TMEM184B: variants seen among roughly 807,000 people sequenced by gnomAD.
TMEM184B encodes transmembrane protein 184B, also known as putative MAPK-activating protein FM08.
A neutral mutation model predicts 41.8 loss-of-function variants in TMEM184B; 17 were observed. That is an observed-to-expected ratio of 0.41 (90% CI 0.28 to 0.61). The LOEUF is 0.61. TMEM184B is among the 20% of genes least tolerant of loss of function. TMEM184B has a pLI of 0.34. For missense variants in TMEM184B, 393 were observed against 557.8 expected (o/e 0.70, Z 2.98); for synonymous variants, 240 against 229.5 (o/e 1.05, Z -0.41).
intron 4 of TMEM184B, 88 bp downstream of exon 4, chr22:38,231,156 C>G: frequency 1.8e-6 from 2 of 1,122,070 alleles, no homozygotes; most frequent in South Asian, 2.5e-5. Context: ...CAGACATGGT[C>G]TGTGTCCAGC....
rs1398859436 is a variant in TMEM184B at position 38,225,349 on chromosome 22, T to C, written c.787+75A>G. ...CAGGCCCTACAGGCACCAGGGACCA[T>C]AAGCAGAAGGGGCAGCAGGAAGCGC... is the stretch of plus-strand genomic sequence containing the variant. On this transcript the variant is annotated intron_variant, in intron 7 of 8. Transcript: ENST00000361906. This position sits in a 1 kb window ranked among gnomAD's most constrained non-coding sequence, Gnocchi z 4.4. The C allele has an allele frequency of 4.0e-6, 6 of 1,482,258 alleles. No homozygotes were observed. In the East Asian group the frequency reaches 1.2e-4, roughly 30 times the overall value. 91.8% of individuals were successfully genotyped at this position (1,482,258 alleles called of 1,614,324 possible). A position where few individuals can be genotyped will look rare whatever the true frequency, so the allele number is the denominator to read the frequency against.
Position 38,221,106 on chromosome 22 carries a change from G to A in TMEM184B, c.*363C>T, listed in dbSNP as rs536935920. 5.6e-5 allele frequency: 61 copies of A among 1,093,638 alleles called. No homozygotes were observed. Among genetic ancestry groups the A allele is most frequent in the South Asian group, 4.0e-4 (12 of 30,260 alleles). 67.7% of individuals were successfully genotyped at this position (1,093,638 alleles called of 1,614,324 possible). A position where few individuals can be genotyped will look rare whatever the true frequency, so the allele number is the denominator to read the frequency against. On this transcript the variant is annotated 3_prime_UTR_variant, in exon 9 of 9. Coordinates refer to ENST00000361906, the MANE Select transcript of TMEM184B (RefSeq NM_012264.5). ...GCCGACCTCAGCCTGAGAGTCTCGC[G>A]GGGAGGAGGGGCTAGAAGGCTGCAG...
chr22:38,262,311 C>T (rs1055576476), intron 1 of TMEM184B, among the ~76,000 whole-genome samples: 2 of 152,168 alleles, frequency 1.3e-5, no homozygotes, highest in Non-Finnish European at 2.9e-5. Context: ...CATTGTGTGG[C>T]TTGATCTGGG....
At chr22:38,252,177 A>C (rs556856849) in intron 1 of TMEM184B, among the ~76,000 whole-genome samples, 1 of 151,840 alleles carries the variant, frequency 6.6e-6, no homozygotes, top group South Asian at 2.1e-4. Context: ...CTCCCACCTC[A>C]GCCTCCCAAG....
chr22:38,259,923 G>A (rs890708560), intron 1 of TMEM184B, among the ~76,000 whole-genome samples: 2 of 144,192 alleles, frequency 1.4e-5, no homozygotes, highest in East Asian at 4.1e-4. Flanking sequence ...TTACAGGCAC[G>A]TGCCACCACG....
intron 1 of TMEM184B, chr22:38,272,355 C>T: frequency 1.9e-6 from 1 of 537,914 alleles, no homozygotes; most frequent in Non-Finnish European, 2.4e-6. Context: ...AGCCCCAGGT[C>T]CCAGTCGATC....
chr22:38,242,654 G>A (rs1212377294), intron 3 of TMEM184B, among the ~76,000 whole-genome samples: 1 of 152,178 alleles, frequency 6.6e-6, no homozygotes, highest in Non-Finnish European at 1.5e-5. Flanking sequence ...ACAAGGATCG[G>A]GGGGGACTGC....
chr22:38,230,831 C>T, intron 4 of TMEM184B, 87 bp from the exon 5 acceptor site: 1 of 1,278,572 alleles, frequency 7.8e-7, no homozygotes, highest in Non-Finnish European at 1.1e-6. Flanking sequence ...GCCCTCCCAC[C>T]CATCCAGACG....
chr22:38,248,419 C>A (rs776222755), intron 1 of TMEM184B, among the ~76,000 whole-genome samples: 1 of 152,230 alleles, frequency 6.6e-6, no homozygotes, highest in South Asian at 2.1e-4. Context: ...CCACGCTGGC[C>A]TCTTTGCTGT....
intron 1 of TMEM184B, among the ~76,000 whole-genome samples, chr22:38,255,137 T>C (rs1387341659): frequency 1.3e-5 from 2 of 152,226 alleles, no homozygotes; most frequent in Admixed American, 6.5e-5. Context: ...GCTATTCTCC[T>C]GCCTCAGCCT....
Position 38,221,242 on chromosome 22 carries a change from C to T in TMEM184B, c.*227G>A, listed in dbSNP as rs2091250775. 5 of 1,402,150 alleles carry T rather than the reference C, an allele frequency of 3.6e-6. No individual in the cohort carries two copies. The highest frequency in any genetic ancestry group is 2.9e-5 in the African/African-American group (2 of 68,938). 86.9% of individuals were successfully genotyped at this position (1,402,150 alleles called of 1,614,324 possible). A position where few individuals can be genotyped will look rare whatever the true frequency, so the allele number is the denominator to read the frequency against. The stretch of plus-strand genomic sequence containing the variant: ...CCTTGCTCCCAGTGTCCTCTGCCCT[C>T]GCCCGGGCAGTGCAGGCTGGGCCAT... On this transcript the variant is annotated 3_prime_UTR_variant, in exon 9 of 9. Transcript: ENST00000361906.
rs1259364665 is a variant in TMEM184B, at chr22:38,226,260, T to G, written c.617+519A>C. 1 of 154,192 alleles carries G rather than the reference T, an allele frequency of 6.5e-6. No homozygotes were observed. Among genetic ancestry groups the G allele is most frequent in the Non-Finnish European group, 1.4e-5 (1 of 69,326 alleles). The allele number at this position is 154,192 out of a possible 1,614,324, so 9.6% of individuals were successfully genotyped here. ...ACGCCCGGTTAATTTTTTGTATTTT[T>G]AGTAGTGATGGGGTTTCACCATGTT... is the stretch of plus-strand genomic sequence containing the variant. On this transcript the variant is annotated intron_variant, in intron 6 of 8. Transcript: ENST00000361906. This position sits in a 1 kb window ranked among gnomAD's most constrained non-coding sequence, Gnocchi z 4.6.
intron 3 of TMEM184B, among the ~76,000 whole-genome samples, chr22:38,235,217 G>A (rs1427136429): frequency 6.6e-6 from 1 of 152,158 alleles, no homozygotes. Flanking sequence ...CACTGGAGGA[G>A]CTCCTCTCAG....
In TMEM184B at chr22:38,219,919, G is replaced by C; in HGVS notation, c.*1550C>G. ...AGGCCTCTGCCACGAGGAAAGGAAG[G>C]AGGCCAGGAAGACGGCTGGGCCCCA... is the stretch of plus-strand genomic sequence containing the variant. On this transcript the variant is annotated 3_prime_UTR_variant, in exon 9 of 9. Coordinates refer to ENST00000361906, the MANE Select transcript of TMEM184B (RefSeq NM_012264.5). 1.2e-5 allele frequency: 12 copies of C among 985,376 alleles called. No homozygotes were observed. The highest frequency in any genetic ancestry group is 1.4e-5 in the Non-Finnish European group (12 of 829,920). 61.0% of individuals were successfully genotyped at this position (985,376 alleles called of 1,614,324 possible). A position where few individuals can be genotyped will look rare whatever the true frequency, so the allele number is the denominator to read the frequency against.
intron 2 of TMEM184B, 112 bp downstream of exon 2, chr22:38,247,658 A>C: frequency 7.5e-7 from 1 of 1,329,134 alleles, no homozygotes; most frequent in South Asian, 1.6e-5. Context: ...CTGAGAACAG[A>C]GGGCTTACCT....
chr22:38,220,609 G>T lies in TMEM184B; in HGVS notation c.*860C>A, dbSNP rs1008042217. 3 of 986,178 alleles carry T rather than the reference G, an allele frequency of 3.0e-6. No individual in the cohort carries two copies. The highest frequency in any genetic ancestry group is 3.6e-6 in the Non-Finnish European group (3 of 830,164). The allele number at this position is 986,178 out of a possible 1,614,324, so 61.1% of individuals were successfully genotyped here. On this transcript the variant is annotated 3_prime_UTR_variant, in exon 9 of 9. Transcript: ENST00000361906. ...GAGGGAGAAGCCCCAAAGAGAGAGAGGACCCAGCATCAGCCTGGGAAGGAG... is the reference window on the plus strand; with the variant it reads ...GAGGGAGAAGCCCCAAAGAGAGAGATGACCCAGCATCAGCCTGGGAAGGAG...
chr22:38,235,074 C>G (rs1411120656), intron 3 of TMEM184B, among the ~76,000 whole-genome samples: 1 of 152,314 alleles, frequency 6.6e-6, no homozygotes, highest in Admixed American at 6.5e-5. Flanking sequence ...TACCGGAGGG[C>G]CTGGCAGCTA....
At chr22:38,240,017 C>T (rs568445352) in intron 3 of TMEM184B, among the ~76,000 whole-genome samples, 3 of 151,938 alleles carry the variant, frequency 2.0e-5, no homozygotes, top group South Asian at 2.1e-4. Flanking sequence ...TGCAGTGGCA[C>T]GATCACAGCT....
At chr22:38,230,268 G>A (rs1420723354) in intron 5 of TMEM184B, among the ~76,000 whole-genome samples, 1 of 152,260 alleles carries the variant, frequency 6.6e-6, no homozygotes, top group Non-Finnish European at 1.5e-5. Context: ...TGCAGGGAGA[G>A]ACGAAGAGAC....
Sources: gnomAD v4.1 joint callset for allele counts (sites outside exome capture counted in the v4.1 genomes callset) on GRCh38, gnomAD v4.1.1 for gene constraint, Gnocchi (gnomAD v3.1) non-coding constraint, MANE v1.5 for transcripts, NCBI Gene and HGNC (gene_info 2026-07-23, HGNC 2026-07-21) for gene names.